LIPA: variants seen among roughly 807,000 people sequenced by gnomAD.
LIPA encodes lysosomal acid lipase/cholesteryl ester hydrolase.
Under a neutral mutation model 40.6 loss-of-function variants are expected in LIPA, and 26 were observed. That is an observed-to-expected ratio of 0.64 (90% confidence interval 0.47 to 0.89). The LOEUF (loss-of-function observed/expected upper bound fraction) is 0.89. LIPA is among the 40% of genes least tolerant of loss of function. The pLI is 0.00. For synonymous variants in LIPA, 188 were observed against 168.4 expected, an observed-to-expected ratio of 1.12 and a Z score of -0.90; for missense variants, 455 against 479.6, an observed-to-expected ratio of 0.95 and a Z score of 0.48.
intron 1 of LIPA, among the ~76,000 whole-genome samples, chr10:89,313,482 C>T (rs1389473179): frequency 6.6e-6 from 1 of 152,122 alleles, no homozygotes; most frequent in African/African-American, 2.4e-5. Flanking sequence ...AATAGTTGGA[C>T]AGTTCTTCAA....
intron 1 of LIPA, among the ~76,000 whole-genome samples, chr10:89,310,905 C>T (rs1367232335): frequency 6.6e-6 from 1 of 152,198 alleles, no homozygotes; most frequent in Non-Finnish European, 1.5e-5. Flanking sequence ...CATAATGAGT[C>T]ATAGTTTGTG....
At chr10:89,380,521 C>T (rs963983617) in intron 2 of LIPA, among the ~76,000 whole-genome samples, 1 of 151,912 alleles carries the variant, frequency 6.6e-6, no homozygotes, top group African/African-American at 2.4e-5. Context: ...CTGCAGCCTC[C>T]ACCTGCCCGG....
intron 5 of LIPA, 101 bp downstream of exon 5, chr10:89,226,794 T>C: frequency 2.7e-6 from 2 of 728,602 alleles, no homozygotes; most frequent in Non-Finnish European, 4.9e-6. Flanking sequence ...TAAAAATAAA[T>C]GGAATTTGAA....
At chr10:89,222,644 A>T in intron 7 of LIPA, 62 bp from the exon 8 acceptor site, 1 of 1,084,766 alleles carries the variant, frequency 9.2e-7, no homozygotes, top group South Asian at 1.2e-5. Flanking sequence ...TTGATAATAA[A>T]CATTGTATTT....
chr10:89,233,159 C>G (rs1482784325), intron 3 of LIPA, among the ~76,000 whole-genome samples: 16 of 152,166 alleles, frequency 1.1e-4, no homozygotes. Flanking sequence ...TCTTCCATCC[C>G]CTACTTCAAG....
chr10:89,289,377 G>A (rs533924929), intron 1 of LIPA, among the ~76,000 whole-genome samples: 3 of 152,252 alleles, frequency 2.0e-5, no homozygotes, highest in East Asian at 3.9e-4. Context: ...TGCTCCTCAG[G>A]GAATGTTCAG....
intron 1 of LIPA, among the ~76,000 whole-genome samples, chr10:89,294,771 T>C (rs1843400261): frequency 6.6e-6 from 1 of 151,752 alleles, no homozygotes; most frequent in African/African-American, 2.4e-5. Context: ...TCCCAGGAGT[T>C]TGAGAGCAGC....
chr10:89,251,012 G>GA (rs1370506151), intron 1 of LIPA, among the ~76,000 whole-genome samples: 2 of 152,152 alleles, frequency 1.3e-5, no homozygotes, highest in African/African-American at 4.8e-5. Context: ...TACAGATTCT[G>GA]AAAAAAGATA....
rs201679118 is a variant in LIPA at position 89,339,886 on chromosome 10, C to T, written c.-2+2725G>A. On this transcript the variant is annotated intron_variant, in intron 1 of 5. Transcript: ENST00000282673. ...ACAGAATGTATCTGAAAATCTGCTT[C>T]CACAAAATGCACCAAATTATTGGTA... 44 of 1,614,162 alleles carry T rather than the reference C, an allele frequency of 2.7e-5. No homozygotes were observed. The Middle Eastern group carries it at 5.8e-3, about 212-fold the overall frequency.
At chr10:89,404,846 C>T (rs993733860) in intron 2 of LIPA, 3 of 152,106 alleles carry the variant, frequency 2.0e-5, no homozygotes, top group South Asian at 2.1e-4. Context: ...GCTTCAGTTC[C>T]AGCTACTCAG....
intron 2 of LIPA, among the ~76,000 whole-genome samples, chr10:89,352,952 A>G (rs2133587605): frequency 6.6e-6 from 1 of 152,344 alleles, no homozygotes; most frequent in Non-Finnish European, 1.5e-5. Context: ...AGAAAGTCAT[A>G]ACTCTACTCG....
At chr10:89,253,008 G>A (rs992399702), upstream of LIPA, among the ~76,000 whole-genome samples, 1 of 152,146 alleles carries the variant, frequency 6.6e-6, no homozygotes, top group Admixed American at 6.6e-5. Context: ...AGAGTGGTGA[G>A]GTCTTTGAGG....
rs367882915 is a variant in LIPA, at chr10:89,250,434, C to T, written c.-2+1303G>A. ...TCTGAACAGGAGCAAACGTTATCCC[C>T]TTCAGTGTGCATTGGCAAAGCAAGG... On this transcript the variant is annotated intron_variant, in intron 1 of 9. Transcript: ENST00000336233. Among the ~76,000 whole-genome samples, 11 of 152,168 alleles carry T rather than the reference C, an allele frequency of 7.2e-5. No homozygotes were observed. In the East Asian group the frequency reaches 9.6e-4, roughly 13 times the overall value.
intron 1 of LIPA, among the ~76,000 whole-genome samples, chr10:89,299,151 A>C (rs1403080965): frequency 6.6e-6 from 1 of 151,896 alleles, no homozygotes; most frequent in East Asian, 1.9e-4. Context: ...TAGGTATCAT[A>C]AAAATAACCA....
intron 2 of LIPA, among the ~76,000 whole-genome samples, chr10:89,401,053 T>C (rs1844414075): frequency 6.6e-6 from 1 of 152,128 alleles, no homozygotes; most frequent in Non-Finnish European, 1.5e-5. Context: ...GTTAATGTGG[T>C]ATATTACATT....
At chr10:89,287,414 C>A (rs1263040310) in intron 1 of LIPA, among the ~76,000 whole-genome samples, 2 of 152,140 alleles carry the variant, frequency 1.3e-5, no homozygotes, top group Non-Finnish European at 2.9e-5. Context: ...CTTTTATGCA[C>A]CCTTTTTTAA....
At chr10:89,224,477 A>G (rs1842741216) in intron 6 of LIPA, among the ~76,000 whole-genome samples, 1 of 152,182 alleles carries the variant, frequency 6.6e-6, no homozygotes, top group Non-Finnish European at 1.5e-5. Context: ...ACAGGATTTC[A>G]TATGTGTGTG....
chr10:89,395,400 C>T (rs1344831305), intron 2 of LIPA, among the ~76,000 whole-genome samples: 1 of 152,212 alleles, frequency 6.6e-6, no homozygotes, highest in Non-Finnish European at 1.5e-5. Flanking sequence ...CTCCCCCTTT[C>T]CCATTGGCCC....
chr10:89,315,981 T>C (rs1486772754), intron 1 of LIPA, among the ~76,000 whole-genome samples: 1 of 152,222 alleles, frequency 6.6e-6, no homozygotes, highest in East Asian at 1.9e-4. Flanking sequence ...TAGTTACATA[T>C]GTATACTAAA....
Sources: gnomAD v4.1 joint callset for allele counts (sites outside exome capture counted in the v4.1 genomes callset) on GRCh38, gnomAD v4.1.1 for gene constraint, MANE v1.5 for transcripts, NCBI Gene and HGNC (gene_info 2026-07-23, HGNC 2026-07-21) for gene names.